The following C16orf95 variants were observed in gnomAD, a reference collection of about 807,000 sequenced individuals.
C16orf95 encodes uncharacterized protein C16orf95.
In C16orf95, 41 loss-of-function variants were observed where a neutral mutation model predicts 32.1. The ratio of observed to expected loss-of-function variants is 1.28; its 90% CI spans 1.00 to 1.66. The LOEUF is 1.66. Among genes scored for constraint, C16orf95 ranks in the 40% most tolerant of loss-of-function variants. C16orf95 has a pLI of 0.00. For missense variants in C16orf95, 399 were observed against 325.9 expected, an observed-to-expected ratio of 1.22 and a Z score of -1.73; for synonymous variants, 147 against 128.9, an observed-to-expected ratio of 1.14 and a Z score of -0.95.
chr16:87,315,011 A>C lies in C16orf95; in HGVS notation c.290T>G (p.Leu97Arg). ...CAGGGACAGAGGGACCCAGTAAGGC[A>C]GTGCTGCTTCCACCCTGGACACAGG... ...RLPVSRVEAA[L>R]PYWVPLSLRP... Residue 97 changes from leucine (L) to arginine (R), a missense_variant, in exon 3 of 7, where the codon CTG (leucine) becomes CGG (arginine). Transcript: ENST00000567970. 2 of 1,536,130 alleles carry C rather than the reference A, an allele frequency of 1.3e-6. No individual in the cohort carries two copies. The highest frequency in any genetic ancestry group is 1.7e-6 in the Non-Finnish European group (2 of 1,146,888).
intron 2 of C16orf95, among the ~76,000 whole-genome samples, 165 bp downstream of exon 2, chr16:87,315,607 C>A (rs960838255): frequency 5.9e-5 from 9 of 152,178 alleles, no homozygotes; most frequent in African/African-American, 2.2e-4. Context: ...GTTGTGAGGG[C>A]CTGGGAGGTG....
At chr16:87,310,810 GA>G (rs1432356575) in intron 4 of C16orf95, among the ~76,000 whole-genome samples, 9 of 152,194 alleles carry the variant, frequency 5.9e-5, no homozygotes, top group African/African-American at 2.2e-4. Context: ...GCAGGGAGGT[GA>G]GAGAGGTCAG....
intron 6 of C16orf95, chr16:87,303,435 C>G (rs866595437): frequency 1.7e-5 from 4 of 233,882 alleles, no homozygotes; most frequent in Non-Finnish European, 2.6e-5. Flanking sequence ...CCCTCTCCCC[C>G]CACCCCCGGC....
At chr16:87,310,529 A>G (rs1911233740) in intron 4 of C16orf95, among the ~76,000 whole-genome samples, 196 bp from the exon 5 acceptor site, 1 of 152,204 alleles carries the variant, frequency 6.6e-6, no homozygotes, top group African/African-American at 2.4e-5. Flanking sequence ...CAGCAACTGG[A>G]AGTCAGGGGG....
chr16:87,316,944 T>C lies in C16orf95; in HGVS notation c.152+147A>G, dbSNP rs1904363077. The C allele has an allele frequency of 2.6e-5, 33 of 1,264,344 alleles. No homozygotes were observed. In the East Asian group the frequency reaches 9.7e-4, roughly 37 times the overall value. The allele number at this position is 1,264,344 out of a possible 1,614,324, so 78.3% of individuals were successfully genotyped here. ...ATTTTCAGTTATGTGGAACCATCAG[T>C]TGCGTTTTTGTTAAGCCAATGTAAG... On this transcript the variant is annotated intron_variant, in intron 1 of 6. Coordinates refer to ENST00000567970, the MANE Select transcript of C16orf95 (RefSeq NM_001195124.3).
In C16orf95 at chr16:87,305,679, G is replaced by A; in HGVS notation, c.701+40C>T. 1.4e-6 allele frequency: 2 copies of A among 1,455,872 alleles called. No individual in the cohort carries two copies. Among genetic ancestry groups the A allele is most frequent in the Non-Finnish European group, 1.8e-6 (2 of 1,106,632 alleles). 90.2% of individuals were successfully genotyped at this position (1,455,872 alleles called of 1,614,324 possible). ...GCCTCCCTCAGGTGGACGTCACCATGCCAGGGCCACCCACTGTCCCCCATC... is the reference window on the plus strand; with the variant it reads ...GCCTCCCTCAGGTGGACGTCACCATACCAGGGCCACCCACTGTCCCCCATC... On this transcript the variant is annotated intron_variant, in intron 6 of 6. Transcript: ENST00000567970. This position sits in a 1 kb window ranked among gnomAD's most constrained non-coding sequence, Gnocchi z 4.2.
At chr16:87,310,206 G>T in intron 5 of C16orf95, 91 bp downstream of exon 5, 1 of 1,285,208 alleles carries the variant, frequency 7.8e-7, no homozygotes, top group Non-Finnish European at 1.1e-6. Flanking sequence ...GGTGTCTGGT[G>T]ATGAGAGGTC....
intron 3 of C16orf95, among the ~76,000 whole-genome samples, chr16:87,312,861 A>G (rs1387960760): frequency 6.6e-6 from 1 of 152,220 alleles, no homozygotes; most frequent in Non-Finnish European, 1.5e-5. Context: ...AACAATAGAC[A>G]AAAAATCAGT....
Position 87,305,895 on chromosome 16 carries a change from C to T in C16orf95, c.525G>A (p.Leu175=). The change falls in exon 6 of 7, where the codon CTG becomes CTA. Residue 175 remains leucine, a synonymous_variant. Transcript: ENST00000567970. The surrounding 1 kb of genome is among the most constrained non-coding windows in gnomAD (Gnocchi z 4.2). The part of the protein sequence containing the change: ...QSLKGIQAPL[L]DACCWHNCWR... ...AGCAGTTGTGCCAGCAGCATGCATCCAGCAGGGGTGCTAGGCAAAGAAAAG... is the reference window on the plus strand; with the variant it reads ...AGCAGTTGTGCCAGCAGCATGCATCTAGCAGGGGTGCTAGGCAAAGAAAAG... 7.0e-7 allele frequency: 1 copy of T among 1,427,182 alleles called. No individual in the cohort carries two copies. Among genetic ancestry groups the T allele is most frequent in the Middle Eastern group, 1.8e-4 (1 of 5,502 alleles). 88.4% of individuals were successfully genotyped at this position (1,427,182 alleles called of 1,614,324 possible).
At position 87,310,328 on chromosome 16, in the gene C16orf95, G is replaced by C; in HGVS notation, c.483C>G (p.Val161=). Reference sequence around the variant, plus strand: ...TGCCTTTCAAACTCTGCTGCCTCCTGACTATCTAAAAGACAAGAATGGAGG... The same window carrying C: ...TGCCTTTCAAACTCTGCTGCCTCCTCACTATCTAAAAGACAAGAATGGAGG... The part of the protein sequence containing the change: ...PQVLRSQQQI[V]RRQQSLKGIQ... Residue 161 remains valine, a synonymous_variant, in exon 5 of 7, where the codon GTC becomes GTG. Transcript: ENST00000567970. 6.5e-7 allele frequency: 1 copy of C among 1,536,072 alleles called. No homozygotes were observed. Among genetic ancestry groups the C allele is most frequent in the South Asian group, 1.2e-5 (1 of 84,056 alleles).
chr16:87,309,516 T>C lies in C16orf95; in HGVS notation c.514+781A>G, dbSNP rs373123203. ...CTCATGCCTCAGCCTCCTAAGTAGCTGGGACTACAGACATGTGCCACCACA... is the reference window on the plus strand; with the variant it reads ...CTCATGCCTCAGCCTCCTAAGTAGCCGGGACTACAGACATGTGCCACCACA... On this transcript the variant is annotated intron_variant, in intron 5 of 6. Transcript: ENST00000567970. Among the ~76,000 whole-genome samples the C allele has an allele frequency of 2.4e-4, 36 of 151,566 alleles. 1 individual carries two copies. The highest frequency in any genetic ancestry group is 8.7e-4 in the African/African-American group (36 of 41,220).
At chr16:87,314,281 G>A (rs982492247) in intron 3 of C16orf95, among the ~76,000 whole-genome samples, 4 of 152,110 alleles carry the variant, frequency 2.6e-5, no homozygotes, top group Admixed American at 6.5e-5. Flanking sequence ...CCTTCTGGGC[G>A]AATGAATAAA....
rs1474309400 is a variant in C16orf95, at chr16:87,308,013, A to C, written c.515-2108T>G. Among the ~76,000 whole-genome samples the C allele has an allele frequency of 2.0e-5, 3 of 152,332 alleles. No homozygotes were observed. In the East Asian group the frequency reaches 5.8e-4, roughly 29 times the overall value. On this transcript the variant is annotated intron_variant, in intron 5 of 6. Coordinates refer to ENST00000567970, the MANE Select transcript of C16orf95 (RefSeq NM_001195124.3). ...ACAGAAAGAGCCAAATCAGGACTGT[A>C]ATTTGGCTGTAAGGTGGATGCCTAA...
At chr16:87,308,642 C>G (rs572116723) in intron 5 of C16orf95, among the ~76,000 whole-genome samples, 1 of 152,220 alleles carries the variant, frequency 6.6e-6, no homozygotes, top group African/African-American at 2.4e-5. Flanking sequence ...GATGGGACCA[C>G]GTTCAGCTCT....
At chr16:87,313,678 G>A (rs921854121) in intron 3 of C16orf95, among the ~76,000 whole-genome samples, 5 of 152,096 alleles carry the variant, frequency 3.3e-5, no homozygotes, top group Admixed American at 1.3e-4. Flanking sequence ...AGTTTGTAGT[G>A]AGCCATGATT....
At position 87,305,288 on chromosome 16, in the gene C16orf95, G is replaced by A. The variant is rs1043908111; in HGVS notation, c.701+431C>T. Reference sequence around the variant, plus strand: ...GGGGCTTTCTAGTATGGAGACTGGCGGCTGGGGCTCAAGCTGGGGACAGGC... The same window carrying A: ...GGGGCTTTCTAGTATGGAGACTGGCAGCTGGGGCTCAAGCTGGGGACAGGC... On this transcript the variant is annotated intron_variant, in intron 6 of 6. Transcript: ENST00000567970. This position sits in a 1 kb window ranked among gnomAD's most constrained non-coding sequence, Gnocchi z 4.2. Among the ~76,000 whole-genome samples, 7 of 152,148 alleles carry A rather than the reference G, an allele frequency of 4.6e-5. No homozygotes were observed. The highest frequency in any genetic ancestry group is 2.1e-4 in the South Asian group (1 of 4,828).
In C16orf95 at chr16:87,317,013, G is replaced by A. The variant is rs544134033; in HGVS notation, c.152+78C>T. ...CGGTCAAGAGTTCTGCCTGTGCATA[G>A]GTCATGGAGCAATGCCGGGCCGGGA... On this transcript the variant is annotated intron_variant, in intron 1 of 6. Coordinates refer to ENST00000567970, the MANE Select transcript of C16orf95 (RefSeq NM_001195124.3). 7 of 1,445,122 alleles carry A rather than the reference G, an allele frequency of 4.8e-6. No homozygotes were observed. The Admixed American group carries it at 1.8e-4, about 36-fold the overall frequency. 89.5% of individuals were successfully genotyped at this position (1,445,122 alleles called of 1,614,324 possible). A position where few individuals can be genotyped will look rare whatever the true frequency, so the allele number is the denominator to read the frequency against.
At chr16:87,304,584 C>T (rs1322701052) in intron 6 of C16orf95, among the ~76,000 whole-genome samples, 4 of 152,258 alleles carry the variant, frequency 2.6e-5, no homozygotes, top group African/African-American at 4.8e-5. Flanking sequence ...AGAGACCAAA[C>T]AGAGCTCACC....
At chr16:87,308,632 G>A (rs986998663) in intron 5 of C16orf95, among the ~76,000 whole-genome samples, 2 of 152,124 alleles carry the variant, frequency 1.3e-5, no homozygotes, top group South Asian at 2.1e-4. Context: ...CTCTTACCAC[G>A]ATGGGACCAC....
Sources: allele counts gnomAD v4.1 joint callset (sites outside exome capture counted in the v4.1 genomes callset), GRCh38; gene constraint gnomAD v4.1.1; non-coding constraint Gnocchi (gnomAD v3.1); transcripts MANE v1.5; gene names NCBI Gene and HGNC (gene_info 2026-07-23, HGNC 2026-07-21).